Variants in SESTD1 observed in about 807,000 individuals in gnomAD.
SESTD1 encodes the protein SEC14 domain and spectrin repeat-containing protein 1.
Under a neutral mutation model 101.7 loss-of-function variants are expected in SESTD1, and 43 were observed. That is an observed-to-expected ratio of 0.42 (90% CI 0.33 to 0.55). The LOEUF is 0.55. SESTD1 is among the 20% of genes least tolerant of loss of function. The probability of loss-of-function intolerance (pLI) is 0.07; values close to 1 mark genes in which losing one functional copy is unlikely to be tolerated. For missense variants in SESTD1, 647 were observed against 815.1 expected, an observed-to-expected ratio of 0.79 and a Z score of 2.51; for synonymous variants, 283 against 286.8, an observed-to-expected ratio of 0.99 and a Z score of 0.13.
chr2:179,225,217 C>A (rs1027669203), intron 1 of SESTD1, among the ~76,000 whole-genome samples: 9 of 152,060 alleles, frequency 5.9e-5, no homozygotes, highest in African/African-American at 2.2e-4. Flanking sequence ...ATTCTGGTGA[C>A]CAGAAGTGAA....
At position 179,112,862 on chromosome 2, in the gene SESTD1, A is replaced by G. The variant is rs762077896; in HGVS notation, c.1840-17T>C. On this transcript the variant is annotated splice_polypyrimidine_tract_variant and intron_variant, in intron 16 of 17. Transcript: ENST00000428443. ...CTGCAAAATCTGCAACAAATAAAAGAGCAACATCAATCAAGAGACACAGAC... is the reference window on the plus strand; with the variant it reads ...CTGCAAAATCTGCAACAAATAAAAGGGCAACATCAATCAAGAGACACAGAC... The G allele has an allele frequency of 3.7e-6, 6 of 1,602,216 alleles. No individual in the cohort carries two copies. The highest frequency in any genetic ancestry group is 4.2e-6 in the Non-Finnish European group (5 of 1,177,670).
At chr2:179,232,545 C>G (rs551219363) in intron 1 of SESTD1, among the ~76,000 whole-genome samples, 1 of 152,086 alleles carries the variant, frequency 6.6e-6, no homozygotes, top group East Asian at 1.9e-4. Flanking sequence ...AATATAAAAA[C>G]ACGTATTACA....
At chr2:179,216,283 GC>G (rs1350191889) in intron 1 of SESTD1, among the ~76,000 whole-genome samples, 5 of 135,404 alleles carry the variant, frequency 3.7e-5, no homozygotes, top group Non-Finnish European at 7.9e-5. Context: ...AGCAACTTCA[GC>G]AAAGTCTCAG....
At chr2:179,248,674 C>A (rs1291346935) in intron 1 of SESTD1, among the ~76,000 whole-genome samples, 2 of 151,720 alleles carry the variant, frequency 1.3e-5, no homozygotes, top group African/African-American at 4.8e-5. Flanking sequence ...TAAGAAACCT[C>A]TTAGAAAAAT....
chr2:179,123,261 C>T (rs1047408076), intron 12 of SESTD1, among the ~76,000 whole-genome samples: 6 of 152,272 alleles, frequency 3.9e-5, no homozygotes, highest in African/African-American at 1.2e-4. Flanking sequence ...GGTAATCTGA[C>T]AATATTCCCA....
chr2:179,243,944 GTATA>G (rs750528520), intron 1 of SESTD1, among the ~76,000 whole-genome samples: 4 of 139,384 alleles, frequency 2.9e-5, no homozygotes, highest in Admixed American at 7.1e-5. Context: ...ATATGTGTGT[GTATA>G]TATATATATA....
rs1326371726 is a variant in SESTD1 at position 179,112,829 on chromosome 2, G to A, written c.1856C>T (p.Pro619Leu). 6.2e-7 allele frequency: 1 copy of A among 1,611,012 alleles called. No homozygotes were observed. Among genetic ancestry groups the A allele is most frequent in the Admixed American group, 1.7e-5 (1 of 59,780 alleles). The change falls in exon 17 of 18, where the codon CCA becomes CTA. Residue 619 changes from proline to leucine, a missense_variant. Physicochemically the swap from Pro to Leu is moderately conservative, Grantham distance 98. Coordinates refer to ENST00000428443, the MANE Select transcript of SESTD1 (RefSeq NM_178123.5). ...ATCATTAATAGCTTCAGGCTCTTCT[G>A]GACAGTCCTGCAAAATCTGCAACAA... ...SNAEKILQDC[P>L]EEPEAINDEE...
At chr2:179,146,834 C>A (rs533621275) in intron 7 of SESTD1, among the ~76,000 whole-genome samples, 1 of 152,050 alleles carries the variant, frequency 6.6e-6, no homozygotes, top group South Asian at 2.1e-4. Context: ...ATGCAGCCAT[C>A]CTCCAGACAA....
chr2:179,180,592 C>T (rs1172347456), intron 3 of SESTD1, among the ~76,000 whole-genome samples: 5 of 152,070 alleles, frequency 3.3e-5, no homozygotes, highest in African/African-American at 9.7e-5. Flanking sequence ...TGGGAGATAA[C>T]GTGATAAAAA....
intron 3 of SESTD1, among the ~76,000 whole-genome samples, chr2:179,182,223 G>A (rs1288192667): frequency 2.0e-5 from 3 of 152,004 alleles, no homozygotes; most frequent in East Asian, 3.9e-4. Context: ...TGAGATAGTC[G>A]TGTTCCTTTT....
rs2045338778 is a variant in SESTD1, at chr2:179,143,901, T to C, written c.638-98A>G. The C allele has an allele frequency of 9.8e-6, 12 of 1,219,524 alleles. No homozygotes were observed. In the South Asian group the frequency reaches 1.6e-4, roughly 17 times the overall value. 75.5% of individuals were successfully genotyped at this position (1,219,524 alleles called of 1,614,324 possible). On this transcript the variant is annotated intron_variant, in intron 8 of 17. Coordinates refer to ENST00000428443, the MANE Select transcript of SESTD1 (RefSeq NM_178123.5). ...TCTAGTCCCTTGTTTTTAAAACCTA[T>C]CTACCTACATATCTACCAGGTTATA... is the stretch of plus-strand genomic sequence containing the variant.
intron 1 of SESTD1, among the ~76,000 whole-genome samples, chr2:179,224,248 T>G (rs2046851923): frequency 6.6e-6 from 1 of 152,210 alleles, no homozygotes; most frequent in Non-Finnish European, 1.5e-5. Context: ...AATCGCTTTC[T>G]GTGCATTGTT....
intron 5 of SESTD1, among the ~76,000 whole-genome samples, chr2:179,163,483 A>C (rs2045778239): frequency 6.6e-6 from 1 of 151,782 alleles, no homozygotes; most frequent in Non-Finnish European, 1.5e-5. Flanking sequence ...CTAAATCTCA[A>C]ATCTATCCTC....
chr2:179,174,384 A>C (rs2045974716), intron 4 of SESTD1: 1 of 453,198 alleles, frequency 2.2e-6, no homozygotes, highest in Non-Finnish European at 4.5e-6. Flanking sequence ...GAGGGGATTA[A>C]ATCATCCATT....
chr2:179,159,754 T>C (rs1176019229), intron 5 of SESTD1, among the ~76,000 whole-genome samples: 3 of 152,182 alleles, frequency 2.0e-5, no homozygotes, highest in Non-Finnish European at 4.4e-5. Flanking sequence ...CAAACCTATA[T>C]GAAAGTTTAA....
chr2:179,230,116 T>C (rs1287435050), intron 1 of SESTD1, among the ~76,000 whole-genome samples: 673 of 28,344 alleles, frequency 0.024, 37 homozygotes, highest in South Asian at 0.067. Flanking sequence ...TGTATCTCTT[T>C]TTTTTTTTTT....
intron 1 of SESTD1, among the ~76,000 whole-genome samples, chr2:179,245,796 T>C (rs2047221208): frequency 6.6e-6 from 1 of 152,098 alleles, no homozygotes; most frequent in African/African-American, 2.4e-5. Flanking sequence ...AGCCCTAACA[T>C]AGCAACAACT....
Position 179,105,716 on chromosome 2 carries a change from A to G in SESTD1, c.*4183T>C, listed in dbSNP as rs996713093. 1.3e-5 allele frequency: 2 copies of G among 152,144 alleles called. No homozygotes were observed. Among genetic ancestry groups the G allele is most frequent in the African/African-American group, 2.4e-5 (1 of 41,454 alleles). The allele number at this position is 152,144 out of a possible 1,614,324, so 9.4% of individuals were successfully genotyped here. A position where few individuals can be genotyped will look rare whatever the true frequency, so the allele number is the denominator to read the frequency against. On this transcript the variant is annotated 3_prime_UTR_variant, in exon 18 of 18. Transcript: ENST00000428443. ...GATATTTTGGCTTCAACAATTCTTT[A>G]TATCATATTTTATTCTTGAAATTGG... is the stretch of plus-strand genomic sequence containing the variant.
chr2:179,196,489 C>A, intron 1 of SESTD1, among the ~76,000 whole-genome samples: 1 of 152,370 alleles, frequency 6.6e-6, no homozygotes, highest in East Asian at 1.9e-4. Flanking sequence ...TCTGTAGGCT[C>A]CACATCTTGG....
Sources: allele counts gnomAD v4.1 joint callset (sites outside exome capture counted in the v4.1 genomes callset), GRCh38; gene constraint gnomAD v4.1.1; transcripts MANE v1.5; gene names NCBI Gene and HGNC (gene_info 2026-07-23, HGNC 2026-07-21).